The following ZBTB38 variants were observed in gnomAD, a reference collection of about 807,000 sequenced individuals.
ZBTB38 encodes zinc finger and BTB domain containing 38.
A neutral mutation model predicts 76.8 loss-of-function variants in ZBTB38; 20 were observed. The ratio of observed to expected loss-of-function variants is 0.26; its 90% CI spans 0.18 to 0.38. The LOEUF (loss-of-function observed/expected upper bound fraction) is 0.38, where lower values mean the gene tolerates loss of function less well. ZBTB38 is among the 10% of genes least tolerant of loss of function. The probability of loss-of-function intolerance (pLI) is 1.00; values close to 1 mark genes in which losing one functional copy is unlikely to be tolerated. For missense variants in ZBTB38, 1,082 were observed against 1,482.3 expected, an observed-to-expected ratio of 0.73 and a Z score of 4.43; for synonymous variants, 504 against 544.2, an observed-to-expected ratio of 0.93 and a Z score of 1.03.
At chr3:141,347,136 G>A (rs749401442) in intron 1 of ZBTB38, among the ~76,000 whole-genome samples, 4 of 152,136 alleles carry the variant, frequency 2.6e-5, no homozygotes, top group Admixed American at 1.3e-4. Context: ...TTACATATGC[G>A]TGGGCTGCAT....
chr3:141,443,627 T>C lies in ZBTB38; in HGVS notation c.1239T>C (p.Pro413=), dbSNP rs1416679898. The C allele has an allele frequency of 3.7e-6, 6 of 1,614,214 alleles. No individual in the cohort carries two copies. The South Asian group carries it at 6.6e-5, about 18-fold the overall frequency. The change falls in exon 6 of 6, where the codon CCT becomes CCC. Residue 413 remains proline, a synonymous_variant. Transcript: ENST00000321464. This position sits in a 1 kb window ranked among gnomAD's most constrained non-coding sequence, Gnocchi z 5.6. ...GGNQRFLENY[P]TIGQNGGSFT... is the part of the protein sequence containing the mutation. ...ACCAACGCTTTTTAGAAAACTATCC[T>C]ACCATTGGACAAAATGGAGGTTCAT...
chr3:141,443,779 T>C lies in ZBTB38; in HGVS notation c.1391T>C (p.Val464Ala), dbSNP rs1160784348. ...GGGCAAATGCTCTACAGTTGCGTTG[T>C]GTGCAAACGTAGTTATGTGACCTTA... Reference protein sequence around the residue: ...VNGQMLYSCVVCKRSYVTLSS... With the variant: ...VNGQMLYSCVACKRSYVTLSS... The change falls in exon 6 of 6, where the codon GTG becomes GCG. Residue 464 changes from valine (V) to alanine (A), a missense_variant. Val to Ala is a moderately conservative substitution (Grantham distance 64). Coordinates refer to ENST00000321464, the MANE Select transcript of ZBTB38 (RefSeq NM_001376113.1). The surrounding 1 kb of genome is among the most constrained non-coding windows in gnomAD (Gnocchi z 5.6). 2 of 1,613,960 alleles carry C rather than the reference T, an allele frequency of 1.2e-6. No individual in the cohort carries two copies. The highest frequency in any genetic ancestry group is 1.7e-5 in the Admixed American group (1 of 60,030).
chr3:141,414,498 A>G (rs1314152838), intron 5 of ZBTB38, among the ~76,000 whole-genome samples: 1 of 152,242 alleles, frequency 6.6e-6, no homozygotes, highest in African/African-American at 2.4e-5. Flanking sequence ...TCCATTTCAT[A>G]CAGGCAAAGT....
rs144088519 is a variant in ZBTB38 at position 141,411,972 on chromosome 3, C to A, written c.-1+7941C>A. On this transcript the variant is annotated intron_variant, in intron 5 of 5. Coordinates refer to ENST00000321464, the MANE Select transcript of ZBTB38 (RefSeq NM_001376113.1). Reference sequence around the variant, plus strand: ...AAGAGTTTCTTTTCTATTTATAATGCGTTTCTGATAAGAAGATTTGCACCT... The same window carrying A: ...AAGAGTTTCTTTTCTATTTATAATGAGTTTCTGATAAGAAGATTTGCACCT... Among the ~76,000 whole-genome samples the A allele has an allele frequency of 7.6e-3, 1,160 of 152,248 alleles. 8 individuals carry two copies. The highest frequency in any genetic ancestry group is 0.02 in the Middle Eastern group (6 of 294).
intron 1 of ZBTB38, among the ~76,000 whole-genome samples, chr3:141,331,693 T>G (rs771303649): frequency 6.6e-6 from 1 of 152,224 alleles, no homozygotes; most frequent in Non-Finnish European, 1.5e-5. Flanking sequence ...TGTGTCATAG[T>G]AAGCTGAGGC....
intron 4 of ZBTB38, chr3:141,388,328 A>C (rs1451552399): frequency 6.6e-6 from 1 of 152,176 alleles, no homozygotes; most frequent in Non-Finnish European, 1.5e-5. Context: ...ATGAAAATAA[A>C]AACTGATATG....
In ZBTB38 at chr3:141,442,139, A is replaced by T. The variant is rs1015931122; in HGVS notation, c.1-250A>T. 6.6e-6 allele frequency among the ~76,000 whole-genome samples: 1 copy of T among 151,952 alleles called. No homozygotes were observed. On this transcript the variant is annotated intron_variant, in intron 5 of 5. Coordinates refer to ENST00000321464, the MANE Select transcript of ZBTB38 (RefSeq NM_001376113.1). This position sits in a 1 kb window ranked among gnomAD's most constrained non-coding sequence, Gnocchi z 6.4. ...TGTATATATAGCTCCAACTTTGGAG[A>T]AAAGGGGAAGGAGTTCTGGGAGGAT...
chr3:141,412,018 TTTTTGAGGTC>T lies in ZBTB38; in HGVS notation c.-1+7993_-1+8002del, dbSNP rs565343948. On this transcript the variant is annotated intron_variant, in intron 5 of 5. Transcript: ENST00000321464. ...CACCTTTCTCTATTTTAGAAAATAC[TTTTTGAGGTC>T]TTTTGTTTTTCCTTTTATGAAGTTT... Among the ~76,000 whole-genome samples the T allele has an allele frequency of 1.4e-4, 22 of 152,336 alleles. No individual in the cohort carries two copies. The East Asian group carries it at 4.1e-3, about 28-fold the overall frequency.
At position 141,442,796 on chromosome 3, in the gene ZBTB38, C is replaced by A. The variant is rs764451318; in HGVS notation, c.408C>A (p.Phe136Leu). The part of the protein sequence containing the change: ...NFSNSPGPYV[F>L]CITEKGVVKE... ...CAAATTCCCCGGGTCCCTATGTATT[C>A]TGTATTACTGAAAAGGGAGTGGTTA... is the stretch of plus-strand genomic sequence containing the variant. Residue 136 changes from phenylalanine to leucine, a missense_variant, in exon 6 of 6, where the codon TTC becomes TTA. Around this residue, in one of 8 missense-constraint regions of ZBTB38, gnomAD observed 34 missense variants for 40.4 expected, o/e 0.84. Coordinates refer to ENST00000321464, the MANE Select transcript of ZBTB38 (RefSeq NM_001376113.1). This position sits in a 1 kb window ranked among gnomAD's most constrained non-coding sequence, Gnocchi z 6.4. 7 of 1,613,954 alleles carry A rather than the reference C, an allele frequency of 4.3e-6. No individual in the cohort carries two copies. The South Asian group carries it at 7.7e-5, about 18-fold the overall frequency.
At chr3:141,354,569 G>A in intron 1 of ZBTB38, among the ~76,000 whole-genome samples, 1 of 152,018 alleles carries the variant, frequency 6.6e-6, no homozygotes, top group East Asian at 1.9e-4. Flanking sequence ...TTCCTGACTG[G>A]TCCAGTCCTT....
intron 5 of ZBTB38, among the ~76,000 whole-genome samples, chr3:141,433,642 AAAT>A (rs2078100567): frequency 6.6e-6 from 1 of 152,228 alleles, no homozygotes. Context: ...TAAAACAAAA[AAAT>A]AATGAGAGGA....
intron 5 of ZBTB38, among the ~76,000 whole-genome samples, chr3:141,405,525 A>G (rs531335995): frequency 2.6e-5 from 4 of 152,376 alleles, no homozygotes; most frequent in African/African-American, 9.6e-5. Context: ...TGTAGGCCAC[A>G]GAAGACTGTG....
chr3:141,352,757 A>G (rs1943555288), intron 1 of ZBTB38, among the ~76,000 whole-genome samples: 1 of 152,040 alleles, frequency 6.6e-6, no homozygotes, highest in South Asian at 2.1e-4. Context: ...TTTTCCCCAG[A>G]TGAAGGAGTG....
chr3:141,440,282 TCTC>T (rs2079824512), intron 5 of ZBTB38, among the ~76,000 whole-genome samples: 1 of 152,240 alleles, frequency 6.6e-6, no homozygotes, highest in African/African-American at 2.4e-5. Context: ...AATATAGTGT[TCTC>T]ATTATCTGAA....
chr3:141,441,032 C>CAAAAAAAAAAAAAAAAAAAA (rs202075469), intron 5 of ZBTB38, among the ~76,000 whole-genome samples: 4 of 64,592 alleles, frequency 6.2e-5, no homozygotes, highest in East Asian at 3.3e-4. Context: ...GACTCAATCT[C>CAAAAAAAAAAAAAAAAAAAA]AAAAAAAAAA....
At chr3:141,345,842 C>A (rs1943336917) in intron 1 of ZBTB38, among the ~76,000 whole-genome samples, 1 of 152,068 alleles carries the variant, frequency 6.6e-6, no homozygotes, top group Non-Finnish European at 1.5e-5. Flanking sequence ...CCCAGGCCCT[C>A]ACCCACCAAA....
chr3:141,431,333 A>AT (rs1050851289), intron 5 of ZBTB38, among the ~76,000 whole-genome samples: 6 of 100,880 alleles, frequency 5.9e-5, no homozygotes, highest in African/African-American at 3.7e-4. Flanking sequence ...CAAAAAAAAA[A>AT]AAAAAAAAAT....
At chr3:141,370,606 A>G (rs147106980) in intron 2 of ZBTB38, among the ~76,000 whole-genome samples, 63 of 152,372 alleles carry the variant, frequency 4.1e-4, no homozygotes, top group Admixed American at 2.0e-3. Flanking sequence ...TTCCTGACTG[A>G]CACTCTTAGG....
chr3:141,361,195 T>G (rs980106064), intron 1 of ZBTB38, among the ~76,000 whole-genome samples: 12 of 152,208 alleles, frequency 7.9e-5, no homozygotes, highest in African/African-American at 2.9e-4. Context: ...AAGAGTTGTT[T>G]GTCTTGTGCC....
Sources: allele counts gnomAD v4.1 joint callset (sites outside exome capture counted in the v4.1 genomes callset), GRCh38; gene constraint gnomAD v4.1.1; regional missense constraint gnomAD v4.1.1; non-coding constraint Gnocchi (gnomAD v3.1); transcripts MANE v1.5; gene names NCBI Gene and HGNC (gene_info 2026-07-23, HGNC 2026-07-21).